ITIH5: variants seen among roughly 807,000 people sequenced by gnomAD.
The protein encoded by ITIH5 is inter-alpha-trypsin inhibitor heavy chain H5.
ITIH5 carries 65 observed loss-of-function variants against 77.5 expected under a neutral mutation model. The observed-to-expected ratio is 0.84, with a 90% CI of 0.69 to 1.03. The LOEUF is 1.03. Ranked by LOEUF, ITIH5 falls within the 50% of genes least tolerant of loss-of-function variation. The pLI is 0.00. For synonymous variants in ITIH5, 525 were observed against 494.3 expected (o/e 1.06, Z -0.82); for missense variants, 1,208 against 1,213.1 (o/e 1.00, Z 0.06).
At chr10:7,574,766 T>C (rs902000185) in intron 10 of ITIH5, among the ~76,000 whole-genome samples, 12 of 145,804 alleles carry the variant, frequency 8.2e-5, no homozygotes, top group Non-Finnish European at 1.6e-4. Flanking sequence ...GCACTCCAGC[T>C]TGGGCGAAAG....
rs891467160 is a variant in ITIH5, at chr10:7,616,087, G to T, written c.834C>A (p.Gly278=). The T allele has an allele frequency of 3.7e-6, 6 of 1,600,652 alleles. No individual in the cohort carries two copies. In the African/African-American group the frequency reaches 8.0e-5, roughly 21 times the overall value. Residue 278 remains glycine, a synonymous_variant, in exon 7 of 14, where the codon GGC becomes GGA. Transcript: ENST00000397146. Reference sequence around the variant, plus strand: ...TAGGAGCAAAGTAGTGCACAAAATAGCCATTTAGAACCTGGTGGAGGGAAA... The same window carrying T: ...TAGGAGCAAAGTAGTGCACAAAATATCCATTTAGAACCTGGTGGAGGGAAA... ...QSIGDIQVLN[G]YFVHYFAPKD...
chr10:7,660,111 CACA>C (rs1353301860), intron 1 of ITIH5, among the ~76,000 whole-genome samples: 1 of 152,160 alleles, frequency 6.6e-6, no homozygotes, highest in Non-Finnish European at 1.5e-5. Context: ...ATATCCAGAC[CACA>C]ACATTTATTG....
chr10:7,559,825 A>T lies in ITIH5; in HGVS notation c.*3258T>A, dbSNP rs1832006366. On this transcript the variant is annotated 3_prime_UTR_variant, in exon 14 of 14. Transcript: ENST00000397146. Reference sequence around the variant, plus strand: ...TATCCCCAGGTGGTGGAGAGGAAAAACACCATCTCTCCCATGTCTTTTTTT... The same window carrying T: ...TATCCCCAGGTGGTGGAGAGGAAAATCACCATCTCTCCCATGTCTTTTTTT... 1 of 454,370 alleles carries T rather than the reference A, an allele frequency of 2.2e-6. No homozygotes were observed. The highest frequency in any genetic ancestry group is 4.4e-6 in the Non-Finnish European group (1 of 226,378). The allele number at this position is 454,370 out of a possible 1,614,324, so 28.1% of individuals were successfully genotyped here.
chr10:7,575,169 AC>A (rs1832384990), intron 10 of ITIH5, among the ~76,000 whole-genome samples: 1 of 152,218 alleles, frequency 6.6e-6, no homozygotes. Context: ...GGCGTGTCTG[AC>A]ATTTGTGCAA....
chr10:7,666,715 G>T, intron 1 of ITIH5, 88 bp downstream of exon 1: 1 of 1,073,908 alleles, frequency 9.3e-7, no homozygotes, highest in Non-Finnish European at 1.4e-6. Flanking sequence ...GACGGTCGAA[G>T]GGGGCCCGGG....
chr10:7,588,509 T>C (rs185733114), intron 7 of ITIH5, among the ~76,000 whole-genome samples: 62 of 152,272 alleles, frequency 4.1e-4, no homozygotes, highest in African/African-American at 1.4e-3. Flanking sequence ...AGAGTGAAAA[T>C]GTGTCTCAAA....
At chr10:7,628,429 G>A (rs946316850) in intron 5 of ITIH5, among the ~76,000 whole-genome samples, 26 of 152,172 alleles carry the variant, frequency 1.7e-4, no homozygotes, top group African/African-American at 3.9e-4. Flanking sequence ...TCGAGACTCC[G>A]TCACACTGTA....
In ITIH5 at chr10:7,626,931, A is replaced by G. The variant is rs142184375; in HGVS notation, c.653-9649T>C. On this transcript the variant is annotated intron_variant, in intron 5 of 13. Coordinates refer to ENST00000397146, the MANE Select transcript of ITIH5 (RefSeq NM_030569.7). ...ACCCAAGATCTGGCAAAATTTACCA[A>G]CGTAAGCCAAGAAAGTGCTGAAAAC... Among the ~76,000 whole-genome samples the G allele has an allele frequency of 1.0e-3, 158 of 152,302 alleles. 1 individual carries two copies. The highest frequency in any genetic ancestry group is 3.7e-3 in the African/African-American group (152 of 41,560).
chr10:7,579,216 G>GTACAGA (rs1460734042), intron 9 of ITIH5, among the ~76,000 whole-genome samples: 2 of 152,192 alleles, frequency 1.3e-5, no homozygotes, highest in African/African-American at 4.8e-5. Context: ...GAAAACGGAG[G>GTACAGA]TACAGACTGT....
chr10:7,655,609 G>T, intron 2 of ITIH5, 22 bp downstream of exon 2: 2 of 1,593,918 alleles, frequency 1.3e-6, no homozygotes, highest in Non-Finnish European at 8.6e-7. Flanking sequence ...GGACTTTCAA[G>T]ATGCACCATG....
chr10:7,644,819 C>CAT (rs1458382108), intron 2 of ITIH5, among the ~76,000 whole-genome samples: 1 of 75,120 alleles, frequency 1.3e-5, no homozygotes, highest in Non-Finnish European at 2.6e-5. Context: ...ACATATATAT[C>CAT]ATATATATCA....
chr10:7,586,749 C>G (rs745340511), intron 7 of ITIH5, among the ~76,000 whole-genome samples: 2 of 152,100 alleles, frequency 1.3e-5, no homozygotes, highest in Non-Finnish European at 2.9e-5. Flanking sequence ...TTACTATGGG[C>G]TGGAGTGACA....
intron 10 of ITIH5, among the ~76,000 whole-genome samples, chr10:7,574,386 T>C (rs1201710717): frequency 6.6e-6 from 1 of 152,174 alleles, no homozygotes; most frequent in Non-Finnish European, 1.5e-5. Flanking sequence ...GATGGATGAC[T>C]GGATGACTGA....
chr10:7,571,002 G>A (rs1044041491), intron 11 of ITIH5, among the ~76,000 whole-genome samples: 7 of 152,148 alleles, frequency 4.6e-5, no homozygotes, highest in Admixed American at 6.6e-5. Flanking sequence ...TGTAGGCAGG[G>A]GCCAGGCAGA....
chr10:7,578,894 T>A (rs1832479176), intron 9 of ITIH5, among the ~76,000 whole-genome samples: 1 of 152,238 alleles, frequency 6.6e-6, no homozygotes, highest in East Asian at 1.9e-4. Flanking sequence ...ATTTAAAAGA[T>A]CTCATTTATT....
intron 7 of ITIH5, among the ~76,000 whole-genome samples, chr10:7,591,736 A>G (rs921111091): frequency 1.3e-5 from 2 of 151,996 alleles, no homozygotes; most frequent in African/African-American, 4.8e-5. Flanking sequence ...ACCATTCCCC[A>G]AAGCATGGGC....
chr10:7,656,246 G>A (rs776693143), intron 1 of ITIH5, among the ~76,000 whole-genome samples: 7 of 152,152 alleles, frequency 4.6e-5, no homozygotes, highest in Middle Eastern at 3.2e-3. Context: ...ACATGGCCTC[G>A]CTGTGTTGCT....
At position 7,560,040 on chromosome 10, in the gene ITIH5, C is replaced by T. The variant is rs111506888; in HGVS notation, c.*3043G>A. On this transcript the variant is annotated 3_prime_UTR_variant, in exon 14 of 14. Coordinates refer to ENST00000397146, the MANE Select transcript of ITIH5 (RefSeq NM_030569.7). Reference sequence around the variant, plus strand: ...CTAATTTTTGTATTTTTAGTAGAGACGAGGTTTCACCATGTTGGCCAGGAT... The same window carrying T: ...CTAATTTTTGTATTTTTAGTAGAGATGAGGTTTCACCATGTTGGCCAGGAT... 35,168 of 334,344 alleles carry T rather than the reference C, an allele frequency of 0.11. 2,186 individuals are homozygous for T. Among genetic ancestry groups the T allele is most frequent in the African/African-American group, 0.22 (9,948 of 45,008 alleles). The allele number at this position is 334,344 out of a possible 1,614,324, so 20.7% of individuals were successfully genotyped here.
At chr10:7,609,330 TACCC>T (rs1833194303) in intron 7 of ITIH5, 1 of 399,372 alleles carries the variant, frequency 2.5e-6, no homozygotes, top group Non-Finnish European at 4.9e-6. Flanking sequence ...CAAATGTCAT[TACCC>T]ACTGTCTGTG....
Sources: allele counts gnomAD v4.1 joint callset (sites outside exome capture counted in the v4.1 genomes callset), GRCh38; gene constraint gnomAD v4.1.1; transcripts MANE v1.5; gene names NCBI Gene and HGNC (gene_info 2026-07-23, HGNC 2026-07-21).